Variants in ZNF862 observed in about 807,000 individuals in gnomAD.
ZNF862 encodes zinc finger protein 862.
A neutral mutation model predicts 91.1 loss-of-function variants in ZNF862; 64 were observed. That is an observed-to-expected ratio of 0.70 (90% CI 0.57 to 0.87). The LOEUF (loss-of-function observed/expected upper bound fraction) is 0.87, where lower values mean the gene tolerates loss of function less well. ZNF862 is among the 40% of genes least tolerant of loss of function. ZNF862 has a pLI of 0.00. For missense variants in ZNF862, 1,459 were observed against 1,528.0 expected, an observed-to-expected ratio of 0.95 and a Z score of 0.75; for synonymous variants, 631 against 618.1, an observed-to-expected ratio of 1.02 and a Z score of -0.31.
intron 1 of ZNF862, 132 bp from the exon 2 acceptor site, chr7:149,844,493 T>G: frequency 1.6e-6 from 1 of 608,334 alleles, no homozygotes; most frequent in Middle Eastern, 2.6e-4. Flanking sequence ...TGGGGAGAGA[T>G]GGGGTGTGGG....
At position 149,860,102 on chromosome 7, in the gene ZNF862, T is replaced by C. The variant is rs1389119133; in HGVS notation, c.1223-281T>C. ...GGGGTTAATTGAACTTATTGGTATC[T>C]GGTGTCACATGATCCCAGGGTAGCT... On this transcript the variant is annotated intron_variant, in intron 6 of 7. Coordinates refer to ENST00000223210, the MANE Select transcript of ZNF862 (RefSeq NM_001099220.3). 6.6e-6 allele frequency: 3 copies of C among 456,184 alleles called. No homozygotes were observed. The East Asian group carries it at 1.1e-4, about 17-fold the overall frequency. The allele number at this position is 456,184 out of a possible 1,614,324, so 28.3% of individuals were successfully genotyped here.
In ZNF862 at chr7:149,860,878, ATGACTT is replaced by A. The variant is rs2128941782; in HGVS notation, c.1722_1727del (p.Asp574_Phe575del). 3.7e-6 allele frequency: 6 copies of A among 1,613,742 alleles called. No homozygotes were observed. Among genetic ancestry groups the A allele is most frequent in the East Asian group, 2.2e-5 (1 of 44,880 alleles). The stretch of plus-strand genomic sequence containing the variant: ...ATTGCATACCACTCAAGGCCCCTGA[ATGACTT>A]TGAGAAGATCCTGCAGCTCCTCCAA... On this transcript the variant is annotated inframe_deletion, in exon 7 of 8. Transcript: ENST00000223210.
intron 7 of ZNF862, 115 bp from the exon 8 acceptor site, chr7:149,863,994 C>G: frequency 9.2e-7 from 1 of 1,083,076 alleles, no homozygotes; most frequent in Non-Finnish European, 1.3e-6. Flanking sequence ...AGTCGTGGTC[C>G]TGACTTCAGT....
intron 7 of ZNF862, among the ~76,000 whole-genome samples, chr7:149,863,746 C>T (rs1253219336): frequency 1.3e-5 from 2 of 152,224 alleles, no homozygotes; most frequent in East Asian, 3.8e-4. Context: ...GATGCTGGGG[C>T]TGGGTAATCT....
At chr7:149,853,173 T>G (rs985848237) in intron 5 of ZNF862, among the ~76,000 whole-genome samples, 37 of 152,254 alleles carry the variant, frequency 2.4e-4, no homozygotes, top group African/African-American at 8.9e-4. Context: ...TCCTCCTGCC[T>G]CCATCTCCGG....
rs1309486367 is a variant in ZNF862, at chr7:149,866,215, G to A, written c.*1931G>A. The stretch of plus-strand genomic sequence containing the variant: ...CAGCCCTGTGGGTCTGGCGGTCAGA[G>A]GGACCCCACAGGCCTGTGGTGCGGG... On this transcript the variant is annotated 3_prime_UTR_variant, in exon 8 of 8. Transcript: ENST00000223210. The A allele has an allele frequency of 6.6e-6, 1 of 152,198 alleles. No homozygotes were observed. Among genetic ancestry groups the A allele is most frequent in the African/African-American group, 2.4e-5 (1 of 41,438 alleles). 9.4% of individuals were successfully genotyped at this position (152,198 alleles called of 1,614,324 possible).
At chr7:149,841,696 A>G (rs766142812) in intron 1 of ZNF862, 35 of 985,254 alleles carry the variant, frequency 3.6e-5, no homozygotes, top group Admixed American at 1.2e-4. Flanking sequence ...AGAAGTCTAT[A>G]TGTGTACTTG....
rs748467996 is a variant in ZNF862, at chr7:149,850,337, G to A, written c.1116G>A (p.Leu372=). The change falls in exon 5 of 8, where the codon TTG becomes TTA. Residue 372 remains leucine, a splice_region_variant and synonymous_variant. Coordinates refer to ENST00000223210, the MANE Select transcript of ZNF862 (RefSeq NM_001099220.3). The surrounding 1 kb of genome is among the most constrained non-coding windows in gnomAD (Gnocchi z 4.2). ...TGAACTACGAGCTGTTGGCATCCTTGGGTAAAGACGCACCGAGCCTCTTAT... is the reference window on the plus strand; with the variant it reads ...TGAACTACGAGCTGTTGGCATCCTTAGGTAAAGACGCACCGAGCCTCTTAT... ...MRMNYELLAS[L]GPAAAKPDLI... 7.5e-6 allele frequency: 12 copies of A among 1,608,040 alleles called. No individual in the cohort carries two copies. The highest frequency in any genetic ancestry group is 6.7e-5 in the Admixed American group (4 of 59,838).
rs1308086644 is a variant in ZNF862 at position 149,861,562 on chromosome 7, T to C, written c.2402T>C (p.Leu801Pro). Residue 801 changes from leucine to proline, a missense_variant, in exon 7 of 8, where the codon CTC becomes CCC. Transcript: ENST00000223210. This position sits in a 1 kb window ranked among gnomAD's most constrained non-coding sequence, Gnocchi z 6.7. ...AGGAGGCGCACGCTGCACGCGCTGC[T>C]CGTGAGCTGGCCCGCCCTGGCCAGG... ...ASRRRTLHAL[L>P]VSWPALARHL... 3 of 1,596,974 alleles carry C rather than the reference T, an allele frequency of 1.9e-6. No homozygotes were observed. Among genetic ancestry groups the C allele is most frequent in the South Asian group, 2.2e-5 (2 of 89,406 alleles).
chr7:149,850,996 T>C lies in ZNF862; in HGVS notation c.1117+658T>C, dbSNP rs532132559. 6.6e-6 allele frequency: 1 copy of C among 152,540 alleles called. No individual in the cohort carries two copies. Among genetic ancestry groups the C allele is most frequent in the South Asian group, 2.1e-4 (1 of 4,834 alleles). 9.4% of individuals were successfully genotyped at this position (152,540 alleles called of 1,614,324 possible). On this transcript the variant is annotated intron_variant, in intron 5 of 7. Transcript: ENST00000223210. The surrounding 1 kb of genome is among the most constrained non-coding windows in gnomAD (Gnocchi z 4.2). Reference sequence around the variant, plus strand: ...CAGATTAGGAAGAGGGCAGTGCTTCTTGCTCCTCAGGATGGTGCTCTCCTC... The same window carrying C: ...CAGATTAGGAAGAGGGCAGTGCTTCCTGCTCCTCAGGATGGTGCTCTCCTC...
intron 1 of ZNF862, among the ~76,000 whole-genome samples, chr7:149,840,209 A>T (rs890118986): frequency 2.0e-5 from 3 of 149,702 alleles, no homozygotes; most frequent in Non-Finnish European, 4.4e-5. Context: ...AAAAAAAAAA[A>T]AAAAAAAAAA....
Position 149,862,341 on chromosome 7 carries a change from G to C in ZNF862, c.3181G>C (p.Val1061Leu). 2 of 1,613,388 alleles carry C rather than the reference G, an allele frequency of 1.2e-6. No individual in the cohort carries two copies. Among genetic ancestry groups the C allele is most frequent in the Non-Finnish European group, 1.7e-6 (2 of 1,179,712 alleles). Residue 1061 changes from valine (V) to leucine (L), a missense_variant, in exon 7 of 8, where the codon GTG becomes CTG. Transcript: ENST00000223210. ...TGAGAGGACCAAGCTCTCCAACGAG[G>C]TGCTCAACATGCTCATGATGACAGC... Reference protein sequence around the residue: ...TDERTKLSNEVLNMLMMTAVN... With the variant: ...TDERTKLSNELLNMLMMTAVN...
intron 3 of ZNF862, among the ~76,000 whole-genome samples, chr7:149,846,685 G>C (rs1801884909): frequency 6.6e-6 from 1 of 152,156 alleles, no homozygotes; most frequent in Admixed American, 6.5e-5. Flanking sequence ...CTGTTCAGGG[G>C]TTGGCTTAGC....
intron 5 of ZNF862, chr7:149,851,458 G>GT (rs1250968905): frequency 5.9e-5 from 9 of 152,256 alleles, no homozygotes; most frequent in African/African-American, 2.2e-4. Context: ...TCCCCTCAGA[G>GT]TATCACTGCC....
In ZNF862 at chr7:149,862,437, G is replaced by A; in HGVS notation, c.3277G>A (p.Gly1093Ser). Reference protein sequence around the residue: ...AIQHWYLTSSGRRFSHVYTCA... With the variant: ...AIQHWYLTSSSRRFSHVYTCA... Reference sequence around the variant, plus strand: ...CCAGCACTGGTACCTGACCTCCTCAGGCCGGCGTTTCAGCCATGTCTACAC... The same window carrying A: ...CCAGCACTGGTACCTGACCTCCTCAAGCCGGCGTTTCAGCCATGTCTACAC... The change falls in exon 7 of 8, where the codon GGC becomes AGC. Residue 1093 changes from glycine to serine, a missense_variant. Coordinates refer to ENST00000223210, the MANE Select transcript of ZNF862 (RefSeq NM_001099220.3). 6.2e-7 allele frequency: 1 copy of A among 1,612,144 alleles called. No individual in the cohort carries two copies. Among genetic ancestry groups the A allele is most frequent in the African/African-American group, 1.3e-5 (1 of 75,046 alleles).
chr7:149,850,442 G>T lies in ZNF862; in HGVS notation c.1117+104G>T. 8.0e-7 allele frequency: 1 copy of T among 1,248,020 alleles called. No homozygotes were observed. The highest frequency in any genetic ancestry group is 1.1e-6 in the Non-Finnish European group (1 of 907,848). 77.3% of individuals were successfully genotyped at this position (1,248,020 alleles called of 1,614,324 possible). A position where few individuals can be genotyped will look rare whatever the true frequency, so the allele number is the denominator to read the frequency against. ...ATCTTCCCATTCCTGCCCCCTCCCT[G>T]TGTGTAGGCAGAGACCGATCCTGTC... On this transcript the variant is annotated intron_variant, in intron 5 of 7. Transcript: ENST00000223210. This position sits in a 1 kb window ranked among gnomAD's most constrained non-coding sequence, Gnocchi z 4.2.
At position 149,844,603 on chromosome 7, in the gene ZNF862, G is replaced by A. The variant is rs58060727; in HGVS notation, c.25-22G>A. On this transcript the variant is annotated intron_variant, in intron 1 of 7. Transcript: ENST00000223210. ...AATCTAAGGAAGAGAGTGGTACTTA[G>A]CAGCTGTCATTTTCCTTTCAGGCTC... 3,018 of 1,523,504 alleles carry A rather than the reference G, an allele frequency of 2.0e-3. 61 individuals are homozygous for A. In the African/African-American group the frequency reaches 0.037, roughly 18 times the overall value. 94.4% of individuals were successfully genotyped at this position (1,523,504 alleles called of 1,614,324 possible).
rs144414665 is a variant in ZNF862, at chr7:149,847,894, T to A, written c.401T>A (p.Leu134Gln). The A allele has an allele frequency of 1.2e-6, 2 of 1,608,434 alleles. No homozygotes were observed. The highest frequency in any genetic ancestry group is 1.3e-5 in the African/African-American group (1 of 74,904). ...TGGGCCGGAAGAAACAGGAAACTTCTGAAGCCCCGGTCCATCCAGAAGTCG... is the reference window on the plus strand; with the variant it reads ...TGGGCCGGAAGAAACAGGAAACTTCAGAAGCCCCGGTCCATCCAGAAGTCG... ...GDWAGRNRKLLKPRSIQKSWF... is the reference protein window; with the variant it reads ...GDWAGRNRKLQKPRSIQKSWF... Residue 134 changes from leucine to glutamine, a missense_variant, in exon 4 of 8, where the codon CTG becomes CAG. Transcript: ENST00000223210.
chr7:149,862,077 G>T lies in ZNF862; in HGVS notation c.2917G>T (p.Ala973Ser). The change falls in exon 7 of 8, where the codon GCC becomes TCC. Residue 973 changes from alanine (A) to serine (S), a missense_variant. By Grantham distance (99) the Ala-to-Ser change is moderately conservative (BLOSUM62 1). Coordinates refer to ENST00000223210, the MANE Select transcript of ZNF862 (RefSeq NM_001099220.3). ...TGGGAATGATGACATTCTCAACCTGGCCAGGTATTTCGAGTGCTCCCTCCC... is the reference window on the plus strand; with the variant it reads ...TGGGAATGATGACATTCTCAACCTGTCCAGGTATTTCGAGTGCTCCCTCCC... ...SFGNDDILNL[A>S]RYFECSLPTG... 1 of 1,613,734 alleles carries T rather than the reference G, an allele frequency of 6.2e-7. No individual in the cohort carries two copies. The highest frequency in any genetic ancestry group is 8.5e-7 in the Non-Finnish European group (1 of 1,179,892).
Sources: gnomAD v4.1 joint callset for allele counts (sites outside exome capture counted in the v4.1 genomes callset) on GRCh38, gnomAD v4.1.1 for gene constraint, Gnocchi (gnomAD v3.1) non-coding constraint, MANE v1.5 for transcripts, NCBI Gene and HGNC (gene_info 2026-07-23, HGNC 2026-07-21) for gene names.